The following SLC6A3 variants were observed in gnomAD, a reference collection of about 807,000 sequenced individuals.
SLC6A3 encodes the protein sodium-dependent dopamine transporter.
In SLC6A3, 19 loss-of-function variants were observed where a neutral mutation model predicts 70.4. The observed-to-expected ratio is 0.27, with a 90% CI of 0.19 to 0.40. The LOEUF (loss-of-function observed/expected upper bound fraction) is 0.40. Among genes scored for constraint, SLC6A3 ranks in the 10% least tolerant of loss-of-function variants. The pLI, the probability that SLC6A3 is intolerant of heterozygous loss-of-function variation, is 1.00. For missense variants in SLC6A3, 613 were observed against 838.5 expected (o/e 0.73, Z 3.32); for synonymous variants, 368 against 356.6 (o/e 1.03, Z -0.36).
intron 3 of SLC6A3, among the ~76,000 whole-genome samples, chr5:1,440,745 T>C (rs1170609548): frequency 1.3e-5 from 2 of 151,822 alleles, no homozygotes; most frequent in Admixed American, 6.5e-5. Context: ...GAGAAGACAA[T>C]CTCTGAGACA....
In SLC6A3 at chr5:1,408,825, T is replaced by C. The variant is rs940859911; in HGVS notation, c.1498+201A>G. 2.6e-5 allele frequency among the ~76,000 whole-genome samples: 4 copies of C among 152,204 alleles called. No homozygotes were observed. The highest frequency in any genetic ancestry group is 4.4e-5 in the Non-Finnish European group (3 of 68,046). Reference sequence around the variant, plus strand: ...ACCTCTGACCACAGTGTGCCTCTTCTGGCTGCCATCCAAGCTAAGCACCTC... The same window carrying C: ...ACCTCTGACCACAGTGTGCCTCTTCCGGCTGCCATCCAAGCTAAGCACCTC... On this transcript the variant is annotated intron_variant, in intron 11 of 14. Coordinates refer to ENST00000270349, the MANE Select transcript of SLC6A3 (RefSeq NM_001044.5). The surrounding 1 kb of genome is among the most constrained non-coding windows in gnomAD (Gnocchi z 6.4).
At chr5:1,414,870 T>A (rs1244181419) in intron 7 of SLC6A3, 55 bp from the exon 8 acceptor site, 39 of 1,610,342 alleles carry the variant, frequency 2.4e-5, no homozygotes, top group Non-Finnish European at 3.1e-5. Flanking sequence ...GCAGCTGCAA[T>A]TTTCCAGTCA....
intron 4 of SLC6A3, among the ~76,000 whole-genome samples, chr5:1,425,859 G>T (rs1407596039): frequency 2.6e-5 from 4 of 152,180 alleles, no homozygotes; most frequent in Non-Finnish European, 5.9e-5. Context: ...CAAAGGACTT[G>T]AATAGACATT....
In SLC6A3 at chr5:1,401,062, C is replaced by G. The variant is rs28363147; in HGVS notation, c.1768-76G>C. 8.9e-7 allele frequency: 1 copy of G among 1,129,512 alleles called. No individual in the cohort carries two copies. The highest frequency in any genetic ancestry group is 2.0e-5 in the Admixed American group (1 of 50,930). 70.0% of individuals were successfully genotyped at this position (1,129,512 alleles called of 1,614,324 possible). On this transcript the variant is annotated intron_variant, in intron 13 of 14. Coordinates refer to ENST00000270349, the MANE Select transcript of SLC6A3 (RefSeq NM_001044.5). This position sits in a 1 kb window ranked among gnomAD's most constrained non-coding sequence, Gnocchi z 6.1. ...AGCACCCACCACTGACTCACACTGCCAGGACCCTCACCTACCAGCACCCTC... is the reference window on the plus strand; with the variant it reads ...AGCACCCACCACTGACTCACACTGCGAGGACCCTCACCTACCAGCACCCTC...
At position 1,394,872 on chromosome 5, in the gene SLC6A3, C is replaced by T. The variant is rs1187051859; in HGVS notation, c.1840-114G>A. ...GAGCAGACAGTTTGCAGCCTCCTGG[C>T]CATGTGCCCTGGGAGAAGGGGAGGC... is the stretch of plus-strand genomic sequence containing the variant. On this transcript the variant is annotated intron_variant, in intron 14 of 14. Transcript: ENST00000270349. This position sits in a 1 kb window ranked among gnomAD's most constrained non-coding sequence, Gnocchi z 4.7. 1.7e-6 allele frequency: 2 copies of T among 1,158,260 alleles called. No homozygotes were observed. Among genetic ancestry groups the T allele is most frequent in the Non-Finnish European group, 2.6e-6 (2 of 770,978 alleles). 71.7% of individuals were successfully genotyped at this position (1,158,260 alleles called of 1,614,324 possible).
At position 1,442,897 on chromosome 5, in the gene SLC6A3, T is replaced by C. The variant is rs747517394; in HGVS notation, c.286+15A>G. ...GCCCGGCCAGCATGCTCAGGGAGGC[T>C]GAGATGGGACTTACCGCCACCATTT... On this transcript the variant is annotated intron_variant, in intron 2 of 14. Coordinates refer to ENST00000270349, the MANE Select transcript of SLC6A3 (RefSeq NM_001044.5). The surrounding 1 kb of genome is among the most constrained non-coding windows in gnomAD (Gnocchi z 5.0). 2 of 1,614,012 alleles carry C rather than the reference T, an allele frequency of 1.2e-6. No homozygotes were observed.
intron 4 of SLC6A3, among the ~76,000 whole-genome samples, chr5:1,423,528 A>T (rs1756511534): frequency 1.3e-5 from 2 of 152,262 alleles, no homozygotes; most frequent in South Asian, 4.1e-4. Flanking sequence ...GGATTCCACA[A>T]GGAACAGATT....
At chr5:1,431,616 GGGTGGACGGTGTGGGGTGGGCCTGGCCGA>G (rs1248000106) in intron 4 of SLC6A3, among the ~76,000 whole-genome samples, 1 of 151,774 alleles carries the variant, frequency 6.6e-6, no homozygotes, top group Non-Finnish European at 1.5e-5. Context: ...GGCCTGGCCG[GGGTGGACGGTGTGGGGTGGGCCTGGCCGA>G]GGTGGACAGT....
At chr5:1,409,883 G>T (rs1756073482) in intron 9 of SLC6A3, 34 bp from the exon 10 acceptor site, 3 of 1,611,924 alleles carry the variant, frequency 1.9e-6, no homozygotes, top group Middle Eastern at 3.3e-4. Flanking sequence ...GCTGCAGGCT[G>T]GCGGCGCTCC....
chr5:1,414,947 G>A (rs1204058207), intron 7 of SLC6A3, 132 bp from the exon 8 acceptor site: 1 of 1,144,212 alleles, frequency 8.7e-7, no homozygotes, highest in Non-Finnish European at 1.3e-6. Context: ...TTTTCCCAGT[G>A]AGCACGGCCA....
At position 1,419,098 on chromosome 5, in the gene SLC6A3, C is replaced by T. The variant is rs940879742; in HGVS notation, c.927+1471G>A. On this transcript the variant is annotated intron_variant, in intron 6 of 14. Coordinates refer to ENST00000270349, the MANE Select transcript of SLC6A3 (RefSeq NM_001044.5). ...CTGTCCATCCTATCTAGCTACCTAT[C>T]ATTCATCCACCCATTCACCCATGCA... is the stretch of plus-strand genomic sequence containing the variant. Among the ~76,000 whole-genome samples the T allele has an allele frequency of 8.6e-5, 13 of 151,680 alleles. 1 individual carries two copies. The highest frequency in any genetic ancestry group is 3.9e-4 in the Admixed American group (6 of 15,248).
Position 1,437,738 on chromosome 5 carries a change from G to A in SLC6A3, c.418+3621C>T, listed in dbSNP as rs2126404122. ...GAGCAGCTCGCAGGTCTGCAGGAGGGGAAGGGCCAGGAACAACCAGGCTTC... is the reference window on the plus strand; with the variant it reads ...GAGCAGCTCGCAGGTCTGCAGGAGGAGAAGGGCCAGGAACAACCAGGCTTC... On this transcript the variant is annotated intron_variant, in intron 3 of 14. Transcript: ENST00000270349. This position sits in a 1 kb window ranked among gnomAD's most constrained non-coding sequence, Gnocchi z 4.8. 6.6e-6 allele frequency among the ~76,000 whole-genome samples: 1 copy of A among 152,354 alleles called. No individual in the cohort carries two copies. Among genetic ancestry groups the A allele is most frequent in the Non-Finnish European group, 1.5e-5 (1 of 68,028 alleles).
chr5:1,419,352 C>CATCCATCA (rs1756382515), intron 6 of SLC6A3, among the ~76,000 whole-genome samples: 1 of 152,098 alleles, frequency 6.6e-6, no homozygotes, highest in Non-Finnish European at 1.5e-5. Flanking sequence ...TCCATCCATC[C>CATCCATCA]ATCCATCCAT....
At chr5:1,414,035 C>A (rs145145690) in intron 8 of SLC6A3, among the ~76,000 whole-genome samples, 2 of 152,208 alleles carry the variant, frequency 1.3e-5, no homozygotes, top group South Asian at 2.1e-4. Flanking sequence ...GGACACTCAG[C>A]GTCATGCGTC....
chr5:1,414,770 G>A lies in SLC6A3; in HGVS notation c.1077C>T (p.Ser359=). 1 of 1,612,954 alleles carries A rather than the reference G, an allele frequency of 6.2e-7. No individual in the cohort carries two copies. Among genetic ancestry groups the A allele is most frequent in the Non-Finnish European group, 8.5e-7 (1 of 1,179,890 alleles). Residue 359 remains serine (S), a synonymous_variant, in exon 8 of 15, where the codon TCC becomes TCT. Transcript: ENST00000270349. ...TTSINSLTSF[S]SGFVVFSFLG... ...GGAAGGAGAAGACGACGAAGCCGGA[G>A]GAGAAGCTCGTCAGGGAGTTGATGG... is the stretch of plus-strand genomic sequence containing the variant.
intron 3 of SLC6A3, among the ~76,000 whole-genome samples, chr5:1,433,286 G>A (rs4975646): frequency 0.24 from 35,855 of 151,784 alleles, 5,458 homozygotes; most frequent in Non-Finnish European, 0.35. Flanking sequence ...ATCAAAGGTC[G>A]TCTAGGGTTA....
At position 1,413,869 on chromosome 5, in the gene SLC6A3, G is replaced by A. The variant is rs964989680; in HGVS notation, c.1156+822C>T. On this transcript the variant is annotated intron_variant, in intron 8 of 14. Coordinates refer to ENST00000270349, the MANE Select transcript of SLC6A3 (RefSeq NM_001044.5). The surrounding 1 kb of genome is among the most constrained non-coding windows in gnomAD (Gnocchi z 7.1). The stretch of plus-strand genomic sequence containing the variant: ...CAGGCACGTGGCCCCAAGTGCCTGG[G>A]CCCACTCTCAGCCCCTGCATCTGTG... Among the ~76,000 whole-genome samples, 25 of 152,282 alleles carry A rather than the reference G, an allele frequency of 1.6e-4. No homozygotes were observed. The highest frequency in any genetic ancestry group is 5.5e-4 in the African/African-American group (23 of 41,564).
chr5:1,442,799 C>T lies in SLC6A3; in HGVS notation c.286+113G>A, dbSNP rs1165207705. 9.1e-7 allele frequency: 1 copy of T among 1,102,444 alleles called. No homozygotes were observed. The highest frequency in any genetic ancestry group is 1.7e-5 in the Admixed American group (1 of 58,944). The allele number at this position is 1,102,444 out of a possible 1,614,324, so 68.3% of individuals were successfully genotyped here. A position where few individuals can be genotyped will look rare whatever the true frequency, so the allele number is the denominator to read the frequency against. ...CGGCCGTGAGCTCTCACAGGGAGCT[C>T]CGTCTTCACGCATGGGAACAGCTTC... On this transcript the variant is annotated intron_variant, in intron 2 of 14. Transcript: ENST00000270349. The surrounding 1 kb of genome is among the most constrained non-coding windows in gnomAD (Gnocchi z 5.0).
chr5:1,400,751 C>A (rs1755830003), intron 14 of SLC6A3, among the ~76,000 whole-genome samples, 164 bp downstream of exon 14: 1 of 152,242 alleles, frequency 6.6e-6, no homozygotes. Context: ...CACGTCTCCA[C>A]TGTCACCTGC....
Sources: gnomAD v4.1 joint callset for allele counts (sites outside exome capture counted in the v4.1 genomes callset) on GRCh38, gnomAD v4.1.1 for gene constraint, Gnocchi (gnomAD v3.1) non-coding constraint, MANE v1.5 for transcripts, NCBI Gene and HGNC (gene_info 2026-07-23, HGNC 2026-07-21) for gene names.